The following KIAA1328 variants were observed in gnomAD, a reference collection of about 807,000 sequenced individuals.
KIAA1328 encodes protein hinderin.
Under a neutral mutation model 68.1 loss-of-function variants are expected in KIAA1328, and 52 were observed. The ratio of observed to expected loss-of-function variants is 0.76; its 90% CI spans 0.61 to 0.96. The LOEUF (loss-of-function observed/expected upper bound fraction) is 0.96. KIAA1328 is among the 40% of genes least tolerant of loss of function. The probability of loss-of-function intolerance (pLI) is 0.00; values close to 1 mark genes in which losing one functional copy is unlikely to be tolerated. For synonymous variants in KIAA1328, 232 were observed against 239.4 expected, an observed-to-expected ratio of 0.97 and a Z score of 0.28; for missense variants, 641 against 677.6, an observed-to-expected ratio of 0.95 and a Z score of 0.60.
intron 6 of KIAA1328, among the ~76,000 whole-genome samples, chr18:36,973,018 G>A (rs1370430113): frequency 6.6e-6 from 1 of 152,130 alleles, no homozygotes; most frequent in Non-Finnish European, 1.5e-5. Flanking sequence ...TCTGTAGAAT[G>A]GATTATTTTT....
intron 5 of KIAA1328, among the ~76,000 whole-genome samples, chr18:36,887,051 C>T (rs1394683220): frequency 6.6e-6 from 1 of 150,958 alleles, no homozygotes; most frequent in Non-Finnish European, 1.5e-5. Flanking sequence ...TAGATGAGTG[C>T]TTTTTCAATT....
At chr18:36,913,490 A>G (rs2049544083) in intron 5 of KIAA1328, among the ~76,000 whole-genome samples, 7 of 115,648 alleles carry the variant, frequency 6.1e-5, no homozygotes, top group Non-Finnish European at 1.3e-4. Context: ...ACACACACAC[A>G]CACACACACA....
At chr18:37,052,415 C>G (rs892992718) in intron 6 of KIAA1328, among the ~76,000 whole-genome samples, 2 of 152,060 alleles carry the variant, frequency 1.3e-5, no homozygotes, top group African/African-American at 4.8e-5. Context: ...AAAAGCATTA[C>G]CCCTAATAAC....
intron 5 of KIAA1328, among the ~76,000 whole-genome samples, chr18:36,941,887 G>A (rs2151188225): frequency 6.6e-6 from 1 of 151,684 alleles, no homozygotes; most frequent in Admixed American, 6.6e-5. Context: ...AGGTTTAGAA[G>A]TACAACAATA....
chr18:37,216,479 G>A (rs1386195178), intron 9 of KIAA1328, among the ~76,000 whole-genome samples: 1 of 152,116 alleles, frequency 6.6e-6, no homozygotes, highest in Non-Finnish European at 1.5e-5. Flanking sequence ...TTAACCCTGA[G>A]TTTGAATTTG....
chr18:36,939,169 G>C (rs1051553170), intron 5 of KIAA1328, among the ~76,000 whole-genome samples: 1 of 152,102 alleles, frequency 6.6e-6, no homozygotes, highest in South Asian at 2.1e-4. Flanking sequence ...CACTGAATGT[G>C]TTGATCACTT....
intron 7 of KIAA1328, among the ~76,000 whole-genome samples, chr18:37,137,625 A>T (rs2058673961): frequency 6.6e-6 from 1 of 152,068 alleles, no homozygotes. Context: ...TCTCGTTCCC[A>T]TGTTTTCTTG....
chr18:36,990,572 G>A (rs778109476), intron 6 of KIAA1328, among the ~76,000 whole-genome samples: 3 of 152,032 alleles, frequency 2.0e-5, no homozygotes, highest in Non-Finnish European at 2.9e-5. Context: ...TCGGGAGGCT[G>A]AGGCAGGAGA....
chr18:36,974,884 G>C (rs1361587411), intron 6 of KIAA1328, among the ~76,000 whole-genome samples: 1 of 152,210 alleles, frequency 6.6e-6, no homozygotes, highest in Non-Finnish European at 1.5e-5. Context: ...GTGATAAGAA[G>C]TATAATCTAG....
chr18:36,972,706 C>T (rs2052277465), intron 6 of KIAA1328, among the ~76,000 whole-genome samples: 2 of 152,096 alleles, frequency 1.3e-5, no homozygotes, highest in Non-Finnish European at 2.9e-5. Context: ...GATAGGGTGT[C>T]CCCTATATCC....
chr18:37,092,231 C>T (rs1385622132), intron 7 of KIAA1328, among the ~76,000 whole-genome samples: 1 of 152,050 alleles, frequency 6.6e-6, no homozygotes, highest in Admixed American at 6.5e-5. Context: ...GCCAAGTGCA[C>T]CATAGGAAGG....
chr18:36,981,379 CAAG>C (rs1330505768), intron 6 of KIAA1328, among the ~76,000 whole-genome samples: 1 of 151,916 alleles, frequency 6.6e-6, no homozygotes, highest in Non-Finnish European at 1.5e-5. Context: ...ATATAATACC[CAAG>C]AAGATAAAAT....
intron 5 of KIAA1328, among the ~76,000 whole-genome samples, chr18:36,956,449 T>G (rs1270384462): frequency 6.6e-6 from 1 of 151,692 alleles, no homozygotes; most frequent in Non-Finnish European, 1.5e-5. Context: ...ACCCCCCAAA[T>G]CATTGAGAAG....
intron 6 of KIAA1328, among the ~76,000 whole-genome samples, chr18:37,051,664 A>G (rs2055698450): frequency 6.6e-6 from 1 of 152,214 alleles, no homozygotes; most frequent in African/African-American, 2.4e-5. Flanking sequence ...ATTTTTAAAA[A>G]TCAAGGAGGA....
chr18:36,914,556 C>T (rs1029079308), intron 5 of KIAA1328, among the ~76,000 whole-genome samples: 1 of 152,000 alleles, frequency 6.6e-6, no homozygotes, highest in Non-Finnish European at 1.5e-5. Context: ...CCCATCTCTA[C>T]TAAAAATACA....
intron 7 of KIAA1328, among the ~76,000 whole-genome samples, chr18:37,115,740 G>A (rs559041912): frequency 2.6e-5 from 4 of 152,152 alleles, no homozygotes; most frequent in Middle Eastern, 3.2e-3. Context: ...GTTTGCAGAT[G>A]ACATGATTGT....
At chr18:36,869,307 A>G (rs2047863496) in intron 4 of KIAA1328, among the ~76,000 whole-genome samples, 1 of 152,186 alleles carries the variant, frequency 6.6e-6, no homozygotes, top group Admixed American at 6.5e-5. Flanking sequence ...TACACTTAAC[A>G]ATATTTCTTC....
At chr18:36,900,926 A>C (rs988082489) in intron 5 of KIAA1328, among the ~76,000 whole-genome samples, 1 of 152,076 alleles carries the variant, frequency 6.6e-6, no homozygotes, top group African/African-American at 2.4e-5. Flanking sequence ...CTGTCTCTAT[A>C]TAAATGGGTT....
intron 4 of KIAA1328, among the ~76,000 whole-genome samples, chr18:36,862,343 A>G (rs2047592127): frequency 6.6e-6 from 1 of 152,224 alleles, no homozygotes; most frequent in Non-Finnish European, 1.5e-5. Context: ...TTTTATAGAC[A>G]CAAATACTTT....
Sources: allele counts gnomAD v4.1 joint callset (sites outside exome capture counted in the v4.1 genomes callset), GRCh38; gene constraint gnomAD v4.1.1; transcripts MANE v1.5; gene names NCBI Gene and HGNC (gene_info 2026-07-23, HGNC 2026-07-21).